Variants in NRDC observed in about 807,000 individuals in gnomAD.
NRDC encodes the protein nardilysin.
In NRDC, 54 loss-of-function variants were observed where a neutral mutation model predicts 147.1. The ratio of observed to expected loss-of-function variants is 0.37; its 90% CI spans 0.29 to 0.46. The LOEUF is 0.46. NRDC is among the 20% of genes least tolerant of loss of function. The pLI is 1.00. For missense variants in NRDC, 1,082 were observed against 1,370.6 expected, an observed-to-expected ratio of 0.79 and a Z score of 3.33; for synonymous variants, 440 against 482.1, an observed-to-expected ratio of 0.91 and a Z score of 1.14.
At chr1:51,816,641 TG>T (rs1264158611) in intron 10 of NRDC, among the ~76,000 whole-genome samples, 1 of 152,234 alleles carries the variant, frequency 6.6e-6, no homozygotes, top group Non-Finnish European at 1.5e-5. Flanking sequence ...CTTTTTCTCT[TG>T]GACACCAAAC....
Position 51,800,602 on chromosome 1 carries a change from T to C in NRDC, c.2395A>G (p.Lys799Glu). The C allele has an allele frequency of 6.2e-7, 1 of 1,614,134 alleles. No homozygotes were observed. Among genetic ancestry groups the C allele is most frequent in the Non-Finnish European group, 8.5e-7 (1 of 1,179,982 alleles). ...AVFTMITEQL[K>E]KTYFNILIKP... ...ATGAGGATGTTAAAGTAGGTCTTCT[T>C]CAACTGCTCAGTTATCATTGTAAAG... is the stretch of plus-strand genomic sequence containing the variant. Residue 799 changes from lysine to glutamate, a missense_variant, in exon 21 of 31, where the codon AAG becomes GAG. Transcript: ENST00000352171.
intron 2 of NRDC, chr1:51,837,663 T>G: frequency 6.9e-7 from 1 of 1,447,124 alleles, no homozygotes; most frequent in Non-Finnish European, 9.3e-7. Context: ...ACCTAAAAAA[T>G]TCAGACCTGA....
chr1:51,847,892 G>C (rs1681732852), intron 1 of NRDC, among the ~76,000 whole-genome samples: 1 of 152,260 alleles, frequency 6.6e-6, no homozygotes, highest in South Asian at 2.1e-4. Context: ...CCAAGAGCAA[G>C]CGAGGGCTGT....
chr1:51,875,507 A>G (rs939393639), intron 1 of NRDC, among the ~76,000 whole-genome samples: 1 of 152,182 alleles, frequency 6.6e-6, no homozygotes, highest in Non-Finnish European at 1.5e-5. Context: ...TCATTCCTCA[A>G]TATATCTAGG....
At chr1:51,836,092 A>G (rs115629064) in intron 3 of NRDC, 39 bp downstream of exon 3, 19,012 of 1,509,596 alleles carry the variant, frequency 0.013, 483 homozygotes, top group South Asian at 0.087. Context: ...TGGAGGGGGG[A>G]AAAAAACACA....
chr1:51,822,651 G>C lies in NRDC; in HGVS notation c.1159+1013C>G, dbSNP rs543170088. On this transcript the variant is annotated intron_variant, in intron 7 of 30. Coordinates refer to ENST00000352171, the MANE Select transcript of NRDC (RefSeq NM_001101662.2). ...GAATACAAAAGAAACAGAATAACTAGTTCAAGAAAAACACATGGAATTATT... is the reference window on the plus strand; with the variant it reads ...GAATACAAAAGAAACAGAATAACTACTTCAAGAAAAACACATGGAATTATT... 3.9e-5 allele frequency among the ~76,000 whole-genome samples: 6 copies of C among 152,244 alleles called. No homozygotes were observed. The South Asian group carries it at 1.2e-3, about 32-fold the overall frequency.
chr1:51,847,385 T>C (rs1218884339), intron 1 of NRDC, among the ~76,000 whole-genome samples: 2 of 152,214 alleles, frequency 1.3e-5, no homozygotes, highest in South Asian at 4.1e-4. Flanking sequence ...CCCGCACTCC[T>C]CAGCCCTTGG....
chr1:51,840,871 A>C (rs1199897395), intron 1 of NRDC, among the ~76,000 whole-genome samples: 1 of 152,208 alleles, frequency 6.6e-6, no homozygotes, highest in East Asian at 1.9e-4. Context: ...TAAGTATTTA[A>C]ACATTCTATC....
rs771961855 is a variant in NRDC, at chr1:51,810,356, C to T, written c.1828G>A (p.Val610Ile). Residue 610 changes from valine to isoleucine, a missense_variant, in exon 16 of 31, where the codon GTT becomes ATT. Transcript: ENST00000352171. ...NQLVPQKANLVLLSGANEGKC... is the reference protein window; with the variant it reads ...NQLVPQKANLILLSGANEGKC... ...CCCTCATTAGCACCAGACAGTAAAA[C>T]AAGATTTGCTTTTTGAGGAACTAGC... 8.7e-6 allele frequency: 14 copies of T among 1,612,220 alleles called. No homozygotes were observed. In the East Asian group the frequency reaches 2.0e-4, roughly 23 times the overall value.
In NRDC at chr1:51,851,561, A is replaced by AT. The variant is rs925995260; in HGVS notation, c.342-11048dup. On this transcript the variant is annotated intron_variant, in intron 1 of 30. Transcript: ENST00000352171. ...TGGGCCCAAGGAAAAAAAAAAAATGATTTTTTTTTAATTGCAGTAGTGCTT... is the reference window on the plus strand; with the variant it reads ...TGGGCCCAAGGAAAAAAAAAAAATGATTTTTTTTTTAATTGCAGTAGTGCTT... 1.7e-4 allele frequency among the ~76,000 whole-genome samples: 25 copies of AT among 147,208 alleles called. No individual in the cohort carries two copies. In the South Asian group the frequency reaches 2.0e-3, roughly 12 times the overall value.
intron 14 of NRDC, among the ~76,000 whole-genome samples, chr1:51,813,500 C>G (rs1040186678): frequency 1.3e-5 from 2 of 152,146 alleles, no homozygotes; most frequent in Admixed American, 6.5e-5. Context: ...AAACACCACA[C>G]TGCCCAGTCC....
At chr1:51,848,616 A>C (rs777132065) in intron 1 of NRDC, among the ~76,000 whole-genome samples, 44 of 152,226 alleles carry the variant, frequency 2.9e-4, no homozygotes, top group Admixed American at 3.9e-4. Context: ...AGAATTCAGC[A>C]AAGTAGCCAA....
chr1:51,875,629 G>A (rs1683288314), intron 1 of NRDC, among the ~76,000 whole-genome samples: 1 of 151,110 alleles, frequency 6.6e-6, no homozygotes, highest in African/African-American at 2.4e-5. Flanking sequence ...CACGATCATG[G>A]CTCACTGCAG....
At chr1:51,852,803 T>C (rs1262893849) in intron 1 of NRDC, among the ~76,000 whole-genome samples, 1 of 152,058 alleles carries the variant, frequency 6.6e-6, no homozygotes, top group Non-Finnish European at 1.5e-5. Flanking sequence ...ATTTTATAAT[T>C]AGAATTTCTG....
At chr1:51,812,962 A>C (rs895925518) in intron 14 of NRDC, among the ~76,000 whole-genome samples, 4 of 2,812 alleles carry the variant, frequency 1.4e-3, no homozygotes, top group African/African-American at 6.0e-3. Flanking sequence ...ACTCTGTCTC[A>C]AAAAAAAAAA....
chr1:51,836,465 GA>G, intron 2 of NRDC: 3 of 1,596,280 alleles, frequency 1.9e-6, no homozygotes, highest in Non-Finnish European at 2.6e-6. Flanking sequence ...GAAACAGACA[GA>G]AAAAAAGGGA....
chr1:51,796,056 A>T (rs540329047), intron 22 of NRDC, among the ~76,000 whole-genome samples: 1 of 151,842 alleles, frequency 6.6e-6, no homozygotes, highest in African/African-American at 2.4e-5. Context: ...ATTTTTTTTA[A>T]TTTTTTTGGA....
chr1:51,819,568 A>C, intron 9 of NRDC, among the ~76,000 whole-genome samples: 1 of 152,198 alleles, frequency 6.6e-6, no homozygotes, highest in East Asian at 1.9e-4. Context: ...AACAAGGAGA[A>C]AGCATGAAAT....
At chr1:51,835,105 A>G (rs1430621631) in intron 3 of NRDC, among the ~76,000 whole-genome samples, 1 of 152,138 alleles carries the variant, frequency 6.6e-6, no homozygotes, top group Non-Finnish European at 1.5e-5. Flanking sequence ...TCCGTCACCC[A>G]GGTTGGAGTG....
Sources: allele counts gnomAD v4.1 joint callset (sites outside exome capture counted in the v4.1 genomes callset), GRCh38; gene constraint gnomAD v4.1.1; transcripts MANE v1.5; gene names NCBI Gene and HGNC (gene_info 2026-07-23, HGNC 2026-07-21).